VSIG10: variants seen among roughly 807,000 people sequenced by gnomAD.
VSIG10 encodes the protein V-set and immunoglobulin domain-containing protein 10.
In VSIG10, 48 loss-of-function variants were observed where a neutral mutation model predicts 58.7. The observed-to-expected ratio is 0.82, with a 90% CI of 0.65 to 1.04. The LOEUF (loss-of-function observed/expected upper bound fraction) is 1.04. Ranked by LOEUF, VSIG10 falls within the 50% of genes least tolerant of loss-of-function variation. The pLI is 0.00. For synonymous variants in VSIG10, 260 were observed against 267.1 expected (o/e 0.97, Z 0.26); for missense variants, 628 against 670.0 (o/e 0.94, Z 0.69).
Position 118,073,906 on chromosome 12 carries a change from G to T in VSIG10, c.1012C>A (p.Pro338Thr). Residue 338 changes from proline to threonine, a missense_variant, in exon 5 of 9, where the codon CCC (proline) becomes ACC (threonine). Coordinates refer to ENST00000359236, the MANE Select transcript of VSIG10 (RefSeq NM_019086.6). ...CTCAGCCACAGGATCTTGGCAGGGG[G>T]GTAGGCCCCAGACACCTGGCATGTA... is the stretch of plus-strand genomic sequence containing the variant. Reference protein sequence around the residue: ...TLTCQVSGAYPPAKILWLRNL... With the variant: ...TLTCQVSGAYTPAKILWLRNL... 6.2e-7 allele frequency: 1 copy of T among 1,613,704 alleles called. No individual in the cohort carries two copies. Among genetic ancestry groups the T allele is most frequent in the Non-Finnish European group, 8.5e-7 (1 of 1,179,720 alleles).
At chr12:118,071,206 G>T in intron 6 of VSIG10, 139 bp from the exon 7 acceptor site, 1 of 1,190,692 alleles carries the variant, frequency 8.4e-7, no homozygotes, top group Non-Finnish European at 1.2e-6. Flanking sequence ...GTCCCGGGAT[G>T]GTACTTAGGT....
At chr12:118,076,715 C>T (rs1315551023) in intron 4 of VSIG10, among the ~76,000 whole-genome samples, 1 of 151,976 alleles carries the variant, frequency 6.6e-6, no homozygotes, top group Non-Finnish European at 1.5e-5. Flanking sequence ...ACACCCAGGC[C>T]TGGAGTGACC....
At chr12:118,090,701 G>A (rs2053269010) in intron 2 of VSIG10, among the ~76,000 whole-genome samples, 1 of 152,144 alleles carries the variant, frequency 6.6e-6, no homozygotes, top group South Asian at 2.1e-4. Flanking sequence ...CACCCAGGAT[G>A]GAGTGCAGTG....
rs370741196 is a variant in VSIG10, at chr12:118,082,453, A to T, written c.362-24T>A. The T allele has an allele frequency of 1.9e-6, 3 of 1,594,682 alleles. No individual in the cohort carries two copies. In the African/African-American group the frequency reaches 4.0e-5, roughly 21 times the overall value. ...GCCTGGGGATGACAGGGGGAATAGG[A>T]TGGCATTAATTATGTAAGAGCTCAT... is the stretch of plus-strand genomic sequence containing the variant. On this transcript the variant is annotated intron_variant, in intron 2 of 8. Transcript: ENST00000359236.
Position 118,082,167 on chromosome 12 carries a change from G to A in VSIG10, c.624C>T (p.Ser208=), listed in dbSNP as rs760775554. Residue 208 remains serine (S), a synonymous_variant, in exon 3 of 9, where the codon AGC becomes AGT. Transcript: ENST00000359236. The stretch of plus-strand genomic sequence containing the variant: ...CGGTGGTCACCTTTCGATGTCTCTT[G>A]CTGAGCTGATTCAAGGCTAAACAGG... ...NYTCLALNQL[S]KRHRKVTTEL... The A allele has an allele frequency of 6.2e-7, 1 of 1,614,014 alleles. No individual in the cohort carries two copies. The highest frequency in any genetic ancestry group is 1.7e-5 in the Admixed American group (1 of 60,014).
Position 118,068,386 on chromosome 12 carries a change from C to A in VSIG10, c.1558G>T (p.Asp520Tyr). ...AGGAAAAAGAGCTTACCTTGAAGAT[C>A]CTGGAATCCATTTCCCATCTGTTCT... The part of the protein sequence containing the change: ...NIEQMGNGFQ[D>Y]LQDDSSEEQS... The change falls in exon 8 of 9, where the codon GAT becomes TAT. Residue 520 changes from aspartate to tyrosine, a missense_variant. Coordinates refer to ENST00000359236, the MANE Select transcript of VSIG10 (RefSeq NM_019086.6). 1.2e-6 allele frequency: 2 copies of A among 1,612,782 alleles called. No individual in the cohort carries two copies. Among genetic ancestry groups the A allele is most frequent in the Non-Finnish European group, 1.7e-6 (2 of 1,179,482 alleles).
Position 118,068,577 on chromosome 12 carries a change from ACAT to A in VSIG10, c.1364_1366del (p.Asp455del). The A allele has an allele frequency of 6.4e-7, 1 of 1,570,498 alleles. No homozygotes were observed. Among genetic ancestry groups the A allele is most frequent in the Non-Finnish European group, 8.6e-7 (1 of 1,157,682 alleles). Reference sequence around the variant, plus strand: ...CTCTTCTGAATCCACCAAAACCATGACATCATCCATGTTTTGTCCCCTAATTTC... The same window carrying A: ...CTCTTCTGAATCCACCAAAACCATGACATCCATGTTTTGTCCCCTAATTTC... On this transcript the variant is annotated inframe_deletion, in exon 8 of 9. Coordinates refer to ENST00000359236, the MANE Select transcript of VSIG10 (RefSeq NM_019086.6).
chr12:118,075,745 G>C (rs756503105), intron 4 of VSIG10, among the ~76,000 whole-genome samples: 1 of 151,636 alleles, frequency 6.6e-6, no homozygotes, highest in East Asian at 1.9e-4. Context: ...ACTGTTACAT[G>C]TATTAACCCA....
At chr12:118,098,002 C>G (rs77861875) in intron 1 of VSIG10, among the ~76,000 whole-genome samples, 169 of 152,252 alleles carry the variant, frequency 1.1e-3, no homozygotes, top group African/African-American at 3.4e-3. Context: ...CTAGATCAGC[C>G]TTCAGCTAGT....
chr12:118,091,632 G>A (rs1276070684), intron 2 of VSIG10, among the ~76,000 whole-genome samples: 1 of 152,094 alleles, frequency 6.6e-6, no homozygotes, highest in African/African-American at 2.4e-5. Flanking sequence ...AACAGTGTCT[G>A]GCATCAAGCT....
chr12:118,072,660 C>G (rs1437379347), intron 5 of VSIG10, among the ~76,000 whole-genome samples: 1 of 151,944 alleles, frequency 6.6e-6, no homozygotes, highest in African/African-American at 2.4e-5. Flanking sequence ...GAGTTCAAGA[C>G]CAACCTGGTC....
At chr12:118,095,005 G>A (rs900980813) in intron 2 of VSIG10, among the ~76,000 whole-genome samples, 4 of 151,740 alleles carry the variant, frequency 2.6e-5, no homozygotes, top group Non-Finnish European at 4.4e-5. Flanking sequence ...CCAGGTTCAA[G>A]CAATTCTCCT....
At position 118,092,596 on chromosome 12, in the gene VSIG10, G is replaced by A. The variant is rs766067056; in HGVS notation, c.361+2937C>T. ...TATATTCCAATAAAACTTTATTTAC[G>A]AACACCAACATTTCAATTTCATTTC... On this transcript the variant is annotated intron_variant, in intron 2 of 8. Transcript: ENST00000359236. 5.9e-5 allele frequency among the ~76,000 whole-genome samples: 9 copies of A among 151,396 alleles called. No homozygotes were observed. The South Asian group carries it at 8.4e-4, about 14-fold the overall frequency.
chr12:118,103,641 G>C lies in VSIG10; in HGVS notation c.31C>G (p.Arg11Gly), dbSNP rs749883885. ...AGCGCCCCGAGGCAGACGAGGACGCGGGGCTCGGGCGCACTGCCGCCTGCG... is the reference window on the plus strand; with the variant it reads ...AGCGCCCCGAGGCAGACGAGGACGCCGGGCTCGGGCGCACTGCCGCCTGCG... MAAGGSAPEP[R>G]VLVCLGALLA... Residue 11 changes from arginine to glycine, a missense_variant, in exon 1 of 9, where the codon CGC (arginine) becomes GGC (glycine). Transcript: ENST00000359236. 1 of 1,507,008 alleles carries C rather than the reference G, an allele frequency of 6.6e-7. No homozygotes were observed. Among genetic ancestry groups the C allele is most frequent in the Non-Finnish European group, 8.8e-7 (1 of 1,133,700 alleles). 93.4% of individuals were successfully genotyped at this position (1,507,008 alleles called of 1,614,324 possible).
At chr12:118,071,295 C>A in intron 6 of VSIG10, 64 bp downstream of exon 6, 1 of 1,499,712 alleles carries the variant, frequency 6.7e-7, no homozygotes, top group South Asian at 1.1e-5. Flanking sequence ...AGGGGCCATC[C>A]TTCCCCATCC....
chr12:118,071,294 C>T lies in VSIG10; in HGVS notation c.1330+65G>A, dbSNP rs1593493705. The stretch of plus-strand genomic sequence containing the variant: ...CAGGTGGGAGCAAGGCAGGGGCCAT[C>T]CTTCCCCATCCCGCACCTTTTCAAA... On this transcript the variant is annotated intron_variant, in intron 6 of 8. Coordinates refer to ENST00000359236, the MANE Select transcript of VSIG10 (RefSeq NM_019086.6). 9 of 1,492,740 alleles carry T rather than the reference C, an allele frequency of 6.0e-6. No homozygotes were observed. The East Asian group carries it at 2.0e-4, about 34-fold the overall frequency. 92.5% of individuals were successfully genotyped at this position (1,492,740 alleles called of 1,614,324 possible).
At position 118,095,611 on chromosome 12, in the gene VSIG10, G is replaced by A. The variant is rs776439450; in HGVS notation, c.283C>T (p.Leu95=). 21 of 1,613,346 alleles carry A rather than the reference G, an allele frequency of 1.3e-5. No homozygotes were observed. The Admixed American group carries it at 2.2e-4, about 17-fold the overall frequency. The change falls in exon 2 of 9, where the codon CTG becomes TTG. Residue 95 remains leucine, a synonymous_variant. Coordinates refer to ENST00000359236, the MANE Select transcript of VSIG10 (RefSeq NM_019086.6). ...CAGGTGTAGATTCCCTCATCTCCCA[G>A]GCTCAGCGATTCAATGTGCAGGGAG... is the stretch of plus-strand genomic sequence containing the variant. ...ATSLHIESLS[L]GDEGIYTCQE... is the part of the protein sequence containing the mutation.
rs549845936 is a variant in VSIG10, at chr12:118,098,747, C to T, written c.80-2933G>A. Among the ~76,000 whole-genome samples the T allele has an allele frequency of 3.2e-3, 482 of 152,194 alleles. 9 individuals carry two copies. The highest frequency in any genetic ancestry group is 4.4e-3 in the Non-Finnish European group (297 of 68,016). ...AGGTGAGGATGGGTTCCCAGGCAAA[C>T]GGAGCATGTTCCAAAGCCCAGATCG... On this transcript the variant is annotated intron_variant, in intron 1 of 8. Transcript: ENST00000359236.
chr12:118,082,014 TC>T, intron 3 of VSIG10, 112 bp downstream of exon 3: 5 of 1,026,410 alleles, frequency 4.9e-6, no homozygotes, highest in Admixed American at 7.8e-5. Context: ...GGAAACTCCA[TC>T]TTAAAAAAAA....
Sources: allele counts gnomAD v4.1 joint callset (sites outside exome capture counted in the v4.1 genomes callset), GRCh38; gene constraint gnomAD v4.1.1; transcripts MANE v1.5; gene names NCBI Gene and HGNC (gene_info 2026-07-23, HGNC 2026-07-21).